The following SLC52A3 variants were observed in gnomAD, a reference collection of about 807,000 sequenced individuals.
The protein encoded by SLC52A3 is solute carrier family 52 member 3.
Under a neutral mutation model 29.5 loss-of-function variants are expected in SLC52A3, and 20 were observed. That is an observed-to-expected ratio of 0.68 (90% confidence interval 0.48 to 0.99). The LOEUF (loss-of-function observed/expected upper bound fraction) is 0.99. SLC52A3 is among the 50% of genes least tolerant of loss of function. The pLI is 0.00. For missense variants in SLC52A3, 548 were observed against 612.9 expected, an observed-to-expected ratio of 0.89 and a Z score of 1.12; for synonymous variants, 301 against 271.0, an observed-to-expected ratio of 1.11 and a Z score of -1.09.
At chr20:761,410 G>A in intron 4 of SLC52A3, 172 bp from the exon 5 acceptor site, 1 of 815,220 alleles carries the variant, frequency 1.2e-6, no homozygotes, top group East Asian at 2.7e-5. Flanking sequence ...GGCCGCCCGG[G>A]GGCGAAGGAG....
intron 1 of SLC52A3, among the ~76,000 whole-genome samples, chr20:775,269 T>A (rs1273924402): frequency 2.1e-4 from 8 of 37,484 alleles, no homozygotes; most frequent in African/African-American, 7.9e-4. Context: ...GGGCCCAGTC[T>A]TTTTTTTTTT....
At position 765,889 on chromosome 20, in the gene SLC52A3, G is replaced by A; in HGVS notation, c.-51-64C>T. 3 of 1,025,062 alleles carry A rather than the reference G, an allele frequency of 2.9e-6. No individual in the cohort carries two copies. Among genetic ancestry groups the A allele is most frequent in the Non-Finnish European group, 4.4e-6 (3 of 677,418 alleles). The allele number at this position is 1,025,062 out of a possible 1,614,324, so 63.5% of individuals were successfully genotyped here. Reference sequence around the variant, plus strand: ...ACCACCTAGCAAGATGCTGGGACCTGGGGCCCAGAGTTTTCTCTTATTACT... The same window carrying A: ...ACCACCTAGCAAGATGCTGGGACCTAGGGCCCAGAGTTTTCTCTTATTACT... On this transcript the variant is annotated intron_variant, in intron 1 of 4. Transcript: ENST00000645534. This position sits in a 1 kb window ranked among gnomAD's most constrained non-coding sequence, Gnocchi z 6.6.
upstream of SLC52A3, among the ~76,000 whole-genome samples, chr20:776,880 G>A (rs1428424862): frequency 6.6e-6 from 1 of 151,290 alleles, no homozygotes. Context: ...CAGGAGCAGG[G>A]TTGGCGGTCC....
chr20:762,030 C>T (rs148500424), intron 3 of SLC52A3, among the ~76,000 whole-genome samples: 1 of 152,336 alleles, frequency 6.6e-6, no homozygotes, highest in African/African-American at 2.4e-5. Context: ...ACGGCAGGGC[C>T]TGGCACCCCG....
At chr20:777,593 C>T (rs980159843), upstream of SLC52A3, among the ~76,000 whole-genome samples, 10 of 152,238 alleles carry the variant, frequency 6.6e-5, no homozygotes, top group Non-Finnish European at 1.0e-4. Flanking sequence ...ATGCTCAGTG[C>T]ATATTGACTT....
upstream of SLC52A3, among the ~76,000 whole-genome samples, chr20:769,131 G>A (rs1333702270): frequency 2.0e-5 from 3 of 152,360 alleles, no homozygotes; most frequent in East Asian, 3.9e-4. Context: ...ACTTAGCTTA[G>A]GATTTGTAAA....
intron 3 of SLC52A3, 86 bp from the exon 4 acceptor site, chr20:761,910 T>G: frequency 6.3e-7 from 1 of 1,591,660 alleles, no homozygotes; most frequent in Non-Finnish European, 8.6e-7. Context: ...GGATGGCCAG[T>G]GTCTCCATAG....
At chr20:774,504 G>A (rs1010444150) in intron 1 of SLC52A3, among the ~76,000 whole-genome samples, 5 of 152,192 alleles carry the variant, frequency 3.3e-5, no homozygotes, top group Non-Finnish European at 7.4e-5. Context: ...GAGATGAAGG[G>A]GAGTGAGAGA....
chr20:763,230 T>C (rs1206544997), intron 3 of SLC52A3, among the ~76,000 whole-genome samples: 4 of 152,240 alleles, frequency 2.6e-5, no homozygotes, highest in Non-Finnish European at 4.4e-5. Flanking sequence ...AAGAGCTTTA[T>C]AGAATCAGCT....
In SLC52A3 at chr20:765,539, A is replaced by T; in HGVS notation, c.236T>A (p.Leu79Gln). 4.4e-6 allele frequency: 7 copies of T among 1,575,992 alleles called. No individual in the cohort carries two copies. The highest frequency in any genetic ancestry group is 6.0e-6 in the Non-Finnish European group (7 of 1,160,680). ...GATGCAGGTGACGGTTCCCACGCCC[A>T]GCAGGGTGAAGATGATGGGCACTTC... ...LSEVPIIFTL[L>Q]GVGTVTCIIF... Residue 79 changes from leucine to glutamine, a missense_variant, in exon 2 of 5, where the codon CTG becomes CAG. Coordinates refer to ENST00000645534, the MANE Select transcript of SLC52A3 (RefSeq NM_033409.4). This position sits in a 1 kb window ranked among gnomAD's most constrained non-coding sequence, Gnocchi z 6.6.
rs1310708184 is a variant in SLC52A3 at position 761,918 on chromosome 20, T to C, written c.1074-94A>G. On this transcript the variant is annotated intron_variant, in intron 3 of 4. Coordinates refer to ENST00000645534, the MANE Select transcript of SLC52A3 (RefSeq NM_033409.4). ...GGCATGTGGATGGCCAGTGTCTCCATAGTTAGTTTAGACCCATGTGGAAAA... is the reference window on the plus strand; with the variant it reads ...GGCATGTGGATGGCCAGTGTCTCCACAGTTAGTTTAGACCCATGTGGAAAA... The C allele has an allele frequency of 3.8e-6, 6 of 1,569,454 alleles. No homozygotes were observed. The East Asian group carries it at 1.4e-4, about 36-fold the overall frequency.
chr20:772,598 TTTTG>T (rs1986876213), upstream of SLC52A3, among the ~76,000 whole-genome samples: 1 of 140,000 alleles, frequency 7.1e-6, no homozygotes, highest in African/African-American at 2.6e-5. Flanking sequence ...TTTTTTTTTT[TTTTG>T]TTGTTGTTGT....
intron 1 of SLC52A3, among the ~76,000 whole-genome samples, chr20:768,030 C>G (rs60387645): frequency 0.19 from 29,278 of 152,166 alleles, 3,167 homozygotes; most frequent in African/African-American, 0.29. Context: ...CTTTGCCTCT[C>G]TCTGCCTCAT....
chr20:760,731 C>T lies in SLC52A3; in HGVS notation c.*295G>A, dbSNP rs766989773. ...GGACAGCCGGCTGTCCCAGCTGTTT[C>T]CCTTCTAACACCCTTGGGCCTGCCT... is the stretch of plus-strand genomic sequence containing the variant. On this transcript the variant is annotated 3_prime_UTR_variant, in exon 5 of 5. Coordinates refer to ENST00000645534, the MANE Select transcript of SLC52A3 (RefSeq NM_033409.4). This position sits in a 1 kb window ranked among gnomAD's most constrained non-coding sequence, Gnocchi z 4.9. 4 of 453,422 alleles carry T rather than the reference C, an allele frequency of 8.8e-6. No homozygotes were observed. The highest frequency in any genetic ancestry group is 1.6e-5 in the Non-Finnish European group (4 of 253,132). 28.1% of individuals were successfully genotyped at this position (453,422 alleles called of 1,614,324 possible).
At chr20:766,678 T>C (rs1316615736) in intron 1 of SLC52A3, among the ~76,000 whole-genome samples, 1 of 148,594 alleles carries the variant, frequency 6.7e-6, no homozygotes, top group Non-Finnish European at 1.5e-5. Flanking sequence ...GCCCCACCCC[T>C]ATCTCCCTTC....
In SLC52A3 at chr20:763,852, A is replaced by T; in HGVS notation, c.719T>A (p.Val240Asp). The T allele has an allele frequency of 6.2e-7, 1 of 1,614,150 alleles. No homozygotes were observed. The change falls in exon 3 of 5, where the codon GTC becomes GAC. Residue 240 changes from valine (V) to aspartate (D), a missense_variant. This residue lies in a region of SLC52A3 where 375 missense variants were observed against 471.1 expected (regional missense o/e 0.80). Coordinates refer to ENST00000645534, the MANE Select transcript of SLC52A3 (RefSeq NM_033409.4). The stretch of plus-strand genomic sequence containing the variant: ...CCAGCACCTGGGTTGACGCTGGAGG[A>T]CAAAGAACGCCACGAGGCAGCAGGC... ...MMACCLVAFF[V>D]LQRQPRCWEA...
upstream of SLC52A3, among the ~76,000 whole-genome samples, chr20:770,350 G>A (rs1479606499): frequency 6.6e-6 from 1 of 151,994 alleles, no homozygotes; most frequent in Non-Finnish European, 1.5e-5. This position sits in a 1 kb window ranked among gnomAD's most constrained non-coding sequence, Gnocchi z 4.5. Context: ...GTAGAGACGG[G>A]GTTTCTCCAT....
chr20:764,903 C>A lies in SLC52A3; in HGVS notation c.567+305G>T, dbSNP rs6140125. On this transcript the variant is annotated intron_variant, in intron 2 of 4. Transcript: ENST00000645534. ...TGTTTATTCACCATAAGTTTCCTCCCTTCACTCTCCCATAATTTGTCTCCA... is the reference window on the plus strand; with the variant it reads ...TGTTTATTCACCATAAGTTTCCTCCATTCACTCTCCCATAATTTGTCTCCA... Among the ~76,000 whole-genome samples, 3,001 of 152,260 alleles carry A rather than the reference C, an allele frequency of 0.02. 537 individuals are homozygous for A. In the East Asian group the frequency reaches 0.44, roughly 22 times the overall value.
chr20:765,656 A>G lies in SLC52A3; in HGVS notation c.119T>C (p.Leu40Pro). 1 of 1,612,402 alleles carries G rather than the reference A, an allele frequency of 6.2e-7. No individual in the cohort carries two copies. Among genetic ancestry groups the G allele is most frequent in the Non-Finnish European group, 8.5e-7 (1 of 1,179,494 alleles). ...LVMELPEGWY[L>P]PSYLTVVIQL... ...GATGACCACCGTGAGGTAGGAGGGC[A>G]GGTACCAGCCCTCGGGCAGCTCCAT... The change falls in exon 2 of 5, where the codon CTG becomes CCG. Residue 40 changes from leucine (L) to proline (P), a missense_variant. Around this residue, in one of 2 missense-constraint regions of SLC52A3, gnomAD observed 375 missense variants for 471.1 expected, o/e 0.80. Transcript: ENST00000645534. This position sits in a 1 kb window ranked among gnomAD's most constrained non-coding sequence, Gnocchi z 6.6.
Sources: gnomAD v4.1 joint callset for allele counts (sites outside exome capture counted in the v4.1 genomes callset) on GRCh38, gnomAD v4.1.1 for gene constraint, gnomAD v4.1.1 regional missense constraint, Gnocchi (gnomAD v3.1) non-coding constraint, MANE v1.5 for transcripts, NCBI Gene and HGNC (gene_info 2026-07-23, HGNC 2026-07-21) for gene names.